Variants in VPS53 observed in about 807,000 individuals in gnomAD.
The protein encoded by VPS53 is VPS53 subunit of GARP complex, also known as vacuolar protein sorting-associated protein 53 homolog.
A neutral mutation model predicts 107.0 loss-of-function variants in VPS53; 70 were observed. That is an observed-to-expected ratio of 0.65 (90% CI 0.54 to 0.80). The LOEUF (loss-of-function observed/expected upper bound fraction) is 0.80. Among genes scored for constraint, VPS53 ranks in the 30% least tolerant of loss-of-function variants. VPS53 has a pLI of 0.00. For missense variants in VPS53, 917 were observed against 1,049.4 expected (o/e 0.87, Z 1.74); for synonymous variants, 409 against 393.3 (o/e 1.04, Z -0.47).
chr17:566,065 G>A (rs934681552), intron 13 of VPS53, among the ~76,000 whole-genome samples: 3 of 150,912 alleles, frequency 2.0e-5, no homozygotes, highest in Non-Finnish European at 4.5e-5. Flanking sequence ...TTAGCCAGGC[G>A]TAGTGGCGGG....
chr17:631,545 A>G lies in VPS53; in HGVS notation c.687+5T>C. ...TCTAAAGACTGGGGAAACGCAAAGC[A>G]GTACCTTGGTGCCCTGGGAAGGAAA... On this transcript the variant is annotated splice_donor_5th_base_variant and intron_variant, in intron 8 of 21. Transcript: ENST00000437048. The G allele has an allele frequency of 6.2e-7, 1 of 1,613,980 alleles. No individual in the cohort carries two copies. Among genetic ancestry groups the G allele is most frequent in the South Asian group, 1.1e-5 (1 of 91,082 alleles).
intron 2 of VPS53, among the ~76,000 whole-genome samples, chr17:703,681 A>G (rs1281072450): frequency 6.6e-6 from 1 of 152,222 alleles, no homozygotes; most frequent in African/African-American, 2.4e-5. Context: ...ATTACAGAAA[A>G]TAGGTAGTCA....
At chr17:698,704 A>G (rs187342248) in intron 3 of VPS53, among the ~76,000 whole-genome samples, 3 of 146,920 alleles carry the variant, frequency 2.0e-5, no homozygotes, top group African/African-American at 7.4e-5. Flanking sequence ...CCTTGTTTTG[A>G]AAAAAAAACA....
chr17:522,317 A>T (rs1288014390), intron 19 of VPS53, among the ~76,000 whole-genome samples: 1 of 152,240 alleles, frequency 6.6e-6, no homozygotes, highest in African/African-American at 2.4e-5. Flanking sequence ...TGTATATTCA[A>T]TTTTATAACC....
At chr17:708,918 C>A (rs1480956579) in intron 2 of VPS53, among the ~76,000 whole-genome samples, 1 of 152,162 alleles carries the variant, frequency 6.6e-6, no homozygotes, top group Non-Finnish European at 1.5e-5. Flanking sequence ...TATATTGGAA[C>A]AGGTTGTGCC....
chr17:575,872 C>A (rs1914558974), intron 13 of VPS53, among the ~76,000 whole-genome samples: 1 of 152,044 alleles, frequency 6.6e-6, no homozygotes, highest in African/African-American at 2.4e-5. Flanking sequence ...GAGAACTTCC[C>A]TCAGAACCTA....
At chr17:704,784 T>C (rs1373978392) in intron 2 of VPS53, among the ~76,000 whole-genome samples, 2 of 152,116 alleles carry the variant, frequency 1.3e-5, no homozygotes, top group Admixed American at 1.3e-4. Context: ...ATACAGCACA[T>C]ACACACACAC....
intron 11 of VPS53, among the ~76,000 whole-genome samples, chr17:608,047 G>A (rs1340844771): frequency 6.6e-6 from 1 of 152,162 alleles, no homozygotes; most frequent in Non-Finnish European, 1.5e-5. Context: ...AAGTTCCTCA[G>A]TTTCTGCATT....
chr17:646,889 C>T lies in VPS53; in HGVS notation c.608+6402G>A, dbSNP rs969249297. Reference sequence around the variant, plus strand: ...GGAGATCGGCTCCCACACACATCTCCGTGACCGCGTGGCCACTGCCTCCTA... The same window carrying T: ...GGAGATCGGCTCCCACACACATCTCTGTGACCGCGTGGCCACTGCCTCCTA... On this transcript the variant is annotated intron_variant, in intron 7 of 21. Coordinates refer to ENST00000437048, the MANE Select transcript of VPS53 (RefSeq NM_001128159.3). 4.2e-4 allele frequency among the ~76,000 whole-genome samples: 63 copies of T among 151,518 alleles called. 2 individuals carry two copies. Among genetic ancestry groups the T allele is most frequent in the African/African-American group, 1.5e-3 (60 of 41,186 alleles).
chr17:514,300 C>T lies in VPS53; in HGVS notation c.*4828G>A, dbSNP rs576834188. 3 of 125,688 alleles carry T rather than the reference C, an allele frequency of 2.4e-5. No individual in the cohort carries two copies. The highest frequency in any genetic ancestry group is 4.8e-5 in the Non-Finnish European group (3 of 61,984). 7.8% of individuals were successfully genotyped at this position (125,688 alleles called of 1,614,324 possible). A position where few individuals can be genotyped will look rare whatever the true frequency, so the allele number is the denominator to read the frequency against. On this transcript the variant is annotated 3_prime_UTR_variant, in exon 22 of 22. Coordinates refer to ENST00000437048, the MANE Select transcript of VPS53 (RefSeq NM_001128159.3). ...CATTTCCAGCAGGTTATTCCGAGTG[C>T]TCTTCCTAGGGAAGGAACCCCATTT...
Position 655,872 on chromosome 17 carries a change from G to C in VPS53, c.454C>G (p.Leu152Val). 6.2e-7 allele frequency: 1 copy of C among 1,614,034 alleles called. No individual in the cohort carries two copies. Among genetic ancestry groups the C allele is most frequent in the South Asian group, 1.1e-5 (1 of 91,074 alleles). ...TCGACACCTCCTGCCAGCATGTGCAGGTGGTTCAGTGTGGTGATTGAGGTG... is the reference window on the plus strand; with the variant it reads ...TCGACACCTCCTGCCAGCATGTGCACGTGGTTCAGTGTGGTGATTGAGGTG... The part of the protein sequence containing the change: ...LTTSITTLNH[L>V]HMLAGGVDSL... The change falls in exon 6 of 22, where the codon CTG becomes GTG. Residue 152 changes from leucine (L) to valine (V), a missense_variant. Physicochemically the swap from Leu to Val is conservative, Grantham distance 32. Transcript: ENST00000437048.
At position 623,911 on chromosome 17, in the gene VPS53, A is replaced by G. The variant is rs1201918366; in HGVS notation, c.975-237T>C. On this transcript the variant is annotated intron_variant, in intron 10 of 21. Transcript: ENST00000437048. ...AAATCAGGGGTCATGGATGATATAT[A>G]TATACTTATATTTATTTGTTTGTTT... is the stretch of plus-strand genomic sequence containing the variant. Among the ~76,000 whole-genome samples the G allele has an allele frequency of 2.0e-5, 3 of 151,964 alleles. No individual in the cohort carries two copies. In the East Asian group the frequency reaches 5.8e-4, roughly 29 times the overall value.
chr17:713,810 C>T (rs1973733685), intron 1 of VPS53, among the ~76,000 whole-genome samples: 3 of 151,820 alleles, frequency 2.0e-5, no homozygotes. Flanking sequence ...GAGGCCAAGG[C>T]GGGCGGGTTA....
Position 627,176 on chromosome 17 carries a change from T to C in VPS53, c.972A>G (p.Thr324=), listed in dbSNP as rs1481395479. The C allele has an allele frequency of 6.2e-7, 1 of 1,612,466 alleles. No individual in the cohort carries two copies. The highest frequency in any genetic ancestry group is 8.5e-7 in the Non-Finnish European group (1 of 1,179,464). Reference sequence around the variant, plus strand: ...ACCAGTAGAGAACTGGCATCTACCTTGTCACATGGCAAAATTCCACCGCAA... The same window carrying C: ...ACCAGTAGAGAACTGGCATCTACCTCGTCACATGGCAAAATTCCACCGCAA... ...ERIAVEFCHV[T]RAELAKIMRT... Residue 324 remains threonine (T), a splice_region_variant and synonymous_variant, in exon 10 of 22, where the codon ACA becomes ACG. Transcript: ENST00000437048.
chr17:682,114 C>A (rs1440033688), intron 4 of VPS53, among the ~76,000 whole-genome samples: 1 of 152,162 alleles, frequency 6.6e-6, no homozygotes, highest in Non-Finnish European at 1.5e-5. Context: ...AGCTGCAATT[C>A]ATAGAACAGA....
At chr17:561,883 G>A (rs1003416066) in intron 14 of VPS53, among the ~76,000 whole-genome samples, 2 of 152,168 alleles carry the variant, frequency 1.3e-5, no homozygotes, top group African/African-American at 4.8e-5. Flanking sequence ...TCCTGCCTCG[G>A]CTGCCCCCAA....
chr17:649,875 A>T lies in VPS53; in HGVS notation c.608+3416T>A, dbSNP rs57951604. Among the ~76,000 whole-genome samples the T allele has an allele frequency of 9.9e-3, 1,514 of 152,370 alleles. 26 individuals carry two copies. Among genetic ancestry groups the T allele is most frequent in the African/African-American group, 0.034 (1,416 of 41,590 alleles). On this transcript the variant is annotated intron_variant, in intron 7 of 21. Transcript: ENST00000437048. ...TGCCCATGAGAAAAGAATCAGCTAGATATGCTGGAAATTAAAAAGCTGGAT... is the reference window on the plus strand; with the variant it reads ...TGCCCATGAGAAAAGAATCAGCTAGTTATGCTGGAAATTAAAAAGCTGGAT...
chr17:625,471 C>T (rs1969661994), intron 10 of VPS53, among the ~76,000 whole-genome samples: 1 of 120,962 alleles, frequency 8.3e-6, no homozygotes, highest in South Asian at 2.9e-4. Flanking sequence ...AGACCCCCAT[C>T]TCTTAAAAAA....
At chr17:686,742 G>A (rs2740364) in intron 4 of VPS53, among the ~76,000 whole-genome samples, 150,973 of 152,380 alleles carry the variant, frequency 0.99, 74,810 homozygotes, top group Middle Eastern at 1. Context: ...CTGGATGCAC[G>A]GAACTAGGAA....
Sources: allele counts gnomAD v4.1 joint callset (sites outside exome capture counted in the v4.1 genomes callset), GRCh38; gene constraint gnomAD v4.1.1; transcripts MANE v1.5; gene names NCBI Gene and HGNC (gene_info 2026-07-23, HGNC 2026-07-21).